Variants in ERAP2 observed in about 807,000 individuals in gnomAD.
ERAP2 encodes the protein endoplasmic reticulum aminopeptidase 2.
ERAP2 carries 118 observed loss-of-function variants against 111.1 expected under a neutral mutation model. That is an observed-to-expected ratio of 1.06 (90% CI 0.92 to 1.24). ERAP2 has a LOEUF of 1.24. ERAP2 is among the 50% of genes most tolerant of loss of function. The probability of loss-of-function intolerance (pLI) is 0.00; values close to 1 mark genes in which losing one functional copy is unlikely to be tolerated. For synonymous variants in ERAP2, 410 were observed against 401.2 expected (o/e 1.02, Z -0.26); for missense variants, 1,131 against 1,125.8 (o/e 1.00, Z -0.07).
chr5:96,906,370 G>A (rs2548528), intron 13 of ERAP2, among the ~76,000 whole-genome samples: 82,765 of 151,854 alleles, frequency 0.55, 22,605 homozygotes, highest in Admixed American at 0.59. Flanking sequence ...GGGCTCAAGC[G>A]ATCCTCCCAC....
rs1209789572 is a variant in ERAP2 at position 96,886,736 on chromosome 5, T to C, written c.796T>C (p.Tyr266His). The C allele has an allele frequency of 6.5e-7, 1 of 1,539,326 alleles. No individual in the cohort carries two copies. ...TVKMSTYLVA[Y>H]IVCDFHSLSG... ...AAAAATGAGTACATACCTTGTAGCC[T>C]ACATAGTTTGTGATTTCCACTCTCT... Residue 266 changes from tyrosine to histidine, a missense_variant, in exon 4 of 19, where the codon TAC (tyrosine) becomes CAC (histidine). By Grantham distance (83) the Tyr-to-His change is moderately conservative. This residue lies in a region of ERAP2 where 847 missense variants were observed against 856.5 expected (regional missense o/e 0.99). Coordinates refer to ENST00000437043, the MANE Select transcript of ERAP2 (RefSeq NM_022350.5).
In ERAP2 at chr5:96,886,672, T is replaced by C. The variant is rs1783753977; in HGVS notation, c.732T>C (p.Leu244=). ...TTCTGTAGGTTAAGACAATTGAACT[T>C]GAAGGAGGTCTTTTGGAAGATCACT... The part of the protein sequence containing the change: ...SNMPKVKTIE[L]EGGLLEDHFE... Residue 244 remains leucine (L), a synonymous_variant, in exon 4 of 19, where the codon CTT becomes CTC. Coordinates refer to ENST00000437043, the MANE Select transcript of ERAP2 (RefSeq NM_022350.5). 6.5e-7 allele frequency: 1 copy of C among 1,542,110 alleles called. No homozygotes were observed. The highest frequency in any genetic ancestry group is 8.8e-7 in the Non-Finnish European group (1 of 1,130,432).
chr5:96,882,311 G>A (rs570150591), intron 2 of ERAP2, among the ~76,000 whole-genome samples: 31 of 152,328 alleles, frequency 2.0e-4, no homozygotes, highest in African/African-American at 7.5e-4. Context: ...AGCTGTGGGA[G>A]ATGAGAGGGG....
At chr5:96,903,328 G>A in intron 12 of ERAP2, 49 bp from the exon 13 acceptor site, 3 of 1,430,968 alleles carry the variant, frequency 2.1e-6, no homozygotes, top group Non-Finnish European at 2.9e-6. Context: ...GAGATGTTCT[G>A]AATAAGTTTG....
rs1491251642 is a variant in ERAP2, at chr5:96,891,572, T to TATACAC, written c.971-726_971-725insTACACA. On this transcript the variant is annotated intron_variant, in intron 5 of 18. Transcript: ENST00000437043. Reference sequence around the variant, plus strand: ...CACACACACACACACACATATATGGTACACACACACACACACACACACGTA... The same window carrying TATACAC: ...CACACACACACACACACATATATGGTATACACACACACACACACACACACACACGTA... 1.7e-3 allele frequency among the ~76,000 whole-genome samples: 230 copies of TATACAC among 133,258 alleles called. 4 individuals carry two copies. The highest frequency in any genetic ancestry group is 6.5e-3 in the African/African-American group (221 of 34,172). The allele number at this position is 133,258 out of a possible 152,430, so 87.4% of individuals were successfully genotyped here.
intron 17 of ERAP2, among the ~76,000 whole-genome samples, chr5:96,914,443 T>C (rs1370382077): frequency 6.6e-6 from 1 of 152,188 alleles, no homozygotes; most frequent in Non-Finnish European, 1.5e-5. Flanking sequence ...TGAGACCAAA[T>C]AGAAACTGCT....
chr5:96,913,568 C>G, intron 17 of ERAP2, 111 bp downstream of exon 17: 1 of 1,265,796 alleles, frequency 7.9e-7, no homozygotes, highest in Non-Finnish European at 1.1e-6. Flanking sequence ...CCATTTGTAT[C>G]CAAATAGTTC....
chr5:96,919,242 G>T lies in ERAP2; in HGVS notation c.*1637G>T, dbSNP rs1002338338. The T allele has an allele frequency of 6.6e-6, 1 of 152,260 alleles. No individual in the cohort carries two copies. Among genetic ancestry groups the T allele is most frequent in the Non-Finnish European group, 1.5e-5 (1 of 68,006 alleles). The allele number at this position is 152,260 out of a possible 1,614,324, so 9.4% of individuals were successfully genotyped here. ...TCAGAGATAGAATACAGTTTGGGTG[G>T]CCATGGATGTGCCCCAATACAGTAC... On this transcript the variant is annotated 3_prime_UTR_variant, in exon 19 of 19. Transcript: ENST00000437043.
At chr5:96,902,226 C>A in intron 11 of ERAP2, 48 bp from the exon 12 acceptor site, 3 of 1,308,732 alleles carry the variant, frequency 2.3e-6, no homozygotes, top group Non-Finnish European at 3.3e-6. Flanking sequence ...TGTGAAAAAT[C>A]ACAGCAGCAT....
chr5:96,882,456 A>G (rs1783241457), intron 2 of ERAP2, among the ~76,000 whole-genome samples: 1 of 152,184 alleles, frequency 6.6e-6, no homozygotes, highest in Non-Finnish European at 1.5e-5. Context: ...GACATGTATG[A>G]TAATGTACTG....
At chr5:96,895,050 C>A (rs1784728264) in intron 6 of ERAP2, among the ~76,000 whole-genome samples, 196 bp from the exon 7 acceptor site, 1 of 151,284 alleles carries the variant, frequency 6.6e-6, no homozygotes, top group Non-Finnish European at 1.5e-5. Flanking sequence ...AAAAAGAAAA[C>A]CAAGCAAAAA....
At chr5:96,908,846 C>A in intron 13 of ERAP2, 115 bp from the exon 14 acceptor site, 1 of 1,089,200 alleles carries the variant, frequency 9.2e-7, no homozygotes, top group Non-Finnish European at 1.3e-6. Flanking sequence ...ACTGAATGGC[C>A]CAGCTATAAT....
In ERAP2 at chr5:96,892,415, T is replaced by G; in HGVS notation, c.1087T>G (p.Trp363Gly). The G allele has an allele frequency of 6.2e-7, 1 of 1,614,074 alleles. No homozygotes were observed. The highest frequency in any genetic ancestry group is 1.3e-5 in the African/African-American group (1 of 75,044). ...GACCTCTTCTGCTTCCGATAAACTG[T>G]GGGTCACCAGAGTCATAGCCCATGA... ...PKTSSASDKLWVTRVIAHELA... is the reference protein window; with the variant it reads ...PKTSSASDKLGVTRVIAHELA... The change falls in exon 6 of 19, where the codon TGG (tryptophan) becomes GGG (glycine). Residue 363 changes from tryptophan (W) to glycine (G), a missense_variant. By Grantham distance (184) the Trp-to-Gly change is radical. This residue lies in a region of ERAP2 where 847 missense variants were observed against 856.5 expected (regional missense o/e 0.99). Transcript: ENST00000437043.
At chr5:96,883,990 T>C (rs1183645794) in intron 3 of ERAP2, 60 bp downstream of exon 3, 1 of 1,496,174 alleles carries the variant, frequency 6.7e-7, no homozygotes, top group Non-Finnish European at 8.9e-7. Flanking sequence ...AGTCTTCGTT[T>C]GTTTTTTAAA....
chr5:96,902,571 C>A, intron 12 of ERAP2: 1 of 435,516 alleles, frequency 2.3e-6, no homozygotes, highest in Non-Finnish European at 4.1e-6. Flanking sequence ...CATTTAGAGA[C>A]AGATTATTTA....
chr5:96,911,002 T>C (rs767266521), intron 15 of ERAP2, among the ~76,000 whole-genome samples: 1 of 152,224 alleles, frequency 6.6e-6, no homozygotes, highest in Non-Finnish European at 1.5e-5. Flanking sequence ...GAAAACAATA[T>C]GTATTATAAT....
At chr5:96,904,460 G>A (rs917804416) in intron 13 of ERAP2, among the ~76,000 whole-genome samples, 7 of 152,112 alleles carry the variant, frequency 4.6e-5, no homozygotes, top group African/African-American at 9.7e-5. Context: ...AAAGTTTCTC[G>A]GTACACTAAA....
intron 2 of ERAP2, among the ~76,000 whole-genome samples, chr5:96,883,173 G>T (rs3849748): frequency 0.061 from 9,220 of 152,182 alleles, 350 homozygotes; most frequent in Middle Eastern, 0.11. Flanking sequence ...TGGGGGACAC[G>T]TGAAGGCGTA....
Position 96,896,389 on chromosome 5 carries a change from A to T in ERAP2, c.1256A>T (p.Asn419Ile), listed in dbSNP as rs780447177. 6.2e-6 allele frequency: 10 copies of T among 1,609,638 alleles called. No homozygotes were observed. The highest frequency in any genetic ancestry group is 3.3e-5 in the South Asian group (3 of 90,534). ...PELQFDDYFL[N>I]VCFEVITKDS... The stretch of plus-strand genomic sequence containing the variant: ...CCTGTTTAGGATGACTATTTTTTGA[A>T]TGTGTGTTTTGAAGTAATTACAAAA... Residue 419 changes from asparagine (N) to isoleucine (I), a missense_variant, in exon 8 of 19, where the codon AAT becomes ATT. Physicochemically the swap from Asn to Ile is moderately radical, Grantham distance 149. Transcript: ENST00000437043.
Sources: gnomAD v4.1 joint callset for allele counts (sites outside exome capture counted in the v4.1 genomes callset) on GRCh38, gnomAD v4.1.1 for gene constraint, gnomAD v4.1.1 regional missense constraint, MANE v1.5 for transcripts, NCBI Gene and HGNC (gene_info 2026-07-23, HGNC 2026-07-21) for gene names.